Variants in MUC4 observed in about 807,000 individuals in gnomAD.
MUC4 encodes mucin-4.
MUC4 carries 202 observed loss-of-function variants against 257.9 expected under a neutral mutation model. The ratio of observed to expected loss-of-function variants is 0.78; its 90% confidence interval spans 0.70 to 0.88. MUC4 has a LOEUF of 0.88. Ranked by LOEUF, MUC4 falls within the 40% of genes least tolerant of loss-of-function variation. The pLI, the probability that MUC4 is intolerant of heterozygous loss-of-function variation, is 0.00. For synonymous variants in MUC4, 2,351 were observed against 2,757.1 expected (o/e 0.85, Z 4.62); for missense variants, 5,976 against 6,513.7 (o/e 0.92, Z 2.84).
At chr3:195,770,840 G>A in intron 5 of MUC4, 1 of 458,726 alleles carries the variant, frequency 2.2e-6, no homozygotes, top group Non-Finnish European at 4.4e-6. Flanking sequence ...CAGGAGCACA[G>A]GACGGGCCCT....
intron 18 of MUC4, among the ~76,000 whole-genome samples, chr3:195,756,458 G>A (rs556263854): frequency 6.6e-6 from 1 of 152,290 alleles, no homozygotes; most frequent in African/African-American, 2.4e-5. Flanking sequence ...AAGGGGAGGT[G>A]GGAGATAAAA....
intron 1 of MUC4, among the ~76,000 whole-genome samples, chr3:195,804,876 T>C (rs1735780781): frequency 6.6e-6 from 1 of 152,200 alleles, no homozygotes; most frequent in South Asian, 2.1e-4. Flanking sequence ...GAATTCAAGA[T>C]GAGGAAAGAC....
intron 24 of MUC4, among the ~76,000 whole-genome samples, chr3:195,748,525 C>G (rs1367042212): frequency 6.6e-6 from 1 of 152,282 alleles, no homozygotes; most frequent in Non-Finnish European, 1.5e-5. Context: ...GAACGCACCA[C>G]TGCACTCCAG....
rs1465338243 is a variant in MUC4, at chr3:195,755,280, C to T, written c.15169-908G>A. ...TCTCGATCTCGGCTCACTGCAATGT[C>T]CCCCTCCCAAGTTAAAGCAATTCTT... On this transcript the variant is annotated intron_variant, in intron 18 of 24. Coordinates refer to ENST00000463781, the MANE Select transcript of MUC4 (RefSeq NM_018406.7). The surrounding 1 kb of genome is among the most constrained non-coding windows in gnomAD (Gnocchi z 5.0). 6.6e-6 allele frequency among the ~76,000 whole-genome samples: 1 copy of T among 151,834 alleles called. No individual in the cohort carries two copies. Among genetic ancestry groups the T allele is most frequent in the Non-Finnish European group, 1.5e-5 (1 of 67,964 alleles).
chr3:195,772,233 G>A (rs2550243), intron 4 of MUC4, among the ~76,000 whole-genome samples: 27,246 of 144,602 alleles, frequency 0.19, 3,516 homozygotes, highest in African/African-American at 0.38. Context: ...CCCTCCCTCC[G>A]TCGCTCAGGG....
intron 3 of MUC4, among the ~76,000 whole-genome samples, chr3:195,776,294 C>T (rs1199539935): frequency 3.3e-4 from 19 of 57,822 alleles, no homozygotes; most frequent in African/African-American, 1.5e-3. Flanking sequence ...ACCTTCCACA[C>T]CCATACCTTC....
In MUC4 at chr3:195,782,077, G is replaced by T. The variant is rs1367555940; in HGVS notation, c.9503C>A (p.Pro3168His). 14 of 1,422,090 alleles carry T rather than the reference G, an allele frequency of 9.8e-6. No individual in the cohort carries two copies. The allele number at this position is 1,422,090 out of a possible 1,614,324, so 88.1% of individuals were successfully genotyped here. A position where few individuals can be genotyped will look rare whatever the true frequency, so the allele number is the denominator to read the frequency against. The change falls in exon 2 of 25, where the codon CCT becomes CAT. Residue 3168 changes from proline to histidine, a missense_variant. Pro to His is a moderately conservative substitution (Grantham distance 77). Coordinates refer to ENST00000463781, the MANE Select transcript of MUC4 (RefSeq NM_018406.7). Reference protein sequence around the residue: ...TSSASTGQATPLPVTSLSSVS... With the variant: ...TSSASTGQATHLPVTSLSSVS... Reference sequence around the variant, plus strand: ...TGAGGAAAGGCTGGTGACAGGAAGAGGGGTGGCCTGACCTGTGGATGCTGA... The same window carrying T: ...TGAGGAAAGGCTGGTGACAGGAAGATGGGTGGCCTGACCTGTGGATGCTGA...
At chr3:195,793,203 T>A (rs1462515578) in intron 1 of MUC4, among the ~76,000 whole-genome samples, 1 of 151,736 alleles carries the variant, frequency 6.6e-6, no homozygotes, top group Non-Finnish European at 1.5e-5. Flanking sequence ...GATAAAAAAA[T>A]AATAAGAGAT....
chr3:195,778,724 C>A lies in MUC4; in HGVS notation c.12790+66G>T, dbSNP rs561121997. ...GCGAATGCACCAGTGTTCTCAGGTACTCCTTAGGCTGAATTCCGCCAAGGG... is the reference window on the plus strand; with the variant it reads ...GCGAATGCACCAGTGTTCTCAGGTAATCCTTAGGCTGAATTCCGCCAAGGG... On this transcript the variant is annotated intron_variant, in intron 2 of 24. Coordinates refer to ENST00000463781, the MANE Select transcript of MUC4 (RefSeq NM_018406.7). 36 of 1,482,236 alleles carry A rather than the reference C, an allele frequency of 2.4e-5. 1 individual carries two copies. Among genetic ancestry groups the A allele is most frequent in the Non-Finnish European group, 2.9e-5 (32 of 1,094,502 alleles). 91.8% of individuals were successfully genotyped at this position (1,482,236 alleles called of 1,614,324 possible).
chr3:195,761,463 C>G (rs373963949), intron 15 of MUC4, 21 bp downstream of exon 15: 5 of 1,600,044 alleles, frequency 3.1e-6, no homozygotes, highest in Admixed American at 3.3e-5. Context: ...CCCTCTGCCC[C>G]AGGACCCTGC....
intron 4 of MUC4, among the ~76,000 whole-genome samples, chr3:195,773,521 T>G (rs2550248): frequency 0.045 from 4,951 of 110,180 alleles, 34 homozygotes; most frequent in Middle Eastern, 0.082. Context: ...ACACCCTCTC[T>G]CCATCGCTCA....
chr3:195,798,583 A>G (rs1187844814), intron 1 of MUC4, among the ~76,000 whole-genome samples: 1 of 150,278 alleles, frequency 6.7e-6, no homozygotes, highest in Non-Finnish European at 1.5e-5. Flanking sequence ...GGGCGCCTGT[A>G]GTCCCAGCTA....
chr3:195,765,599 C>T (rs1486981720), intron 8 of MUC4, 150 bp from the exon 9 acceptor site: 22 of 754,584 alleles, frequency 2.9e-5, no homozygotes, highest in Non-Finnish European at 2.5e-5. Context: ...ACAATTCCTC[C>T]CCCAAAGCCC....
Position 195,785,996 on chromosome 3 carries a change from C to CGTCGGTGACAGGAAGA in MUC4, c.5568_5583dup (p.Ala1862SerfsTer29), listed in dbSNP as rs1731609805. 1 of 1,489,722 alleles carries CGTCGGTGACAGGAAGA rather than the reference C, an allele frequency of 6.7e-7. No homozygotes were observed. Among genetic ancestry groups the CGTCGGTGACAGGAAGA allele is most frequent in the Non-Finnish European group, 9.0e-7 (1 of 1,111,302 alleles). The allele number at this position is 1,489,722 out of a possible 1,614,324, so 92.3% of individuals were successfully genotyped here. On this transcript the variant is annotated frameshift_variant, in exon 2 of 25. Transcript: ENST00000463781. LOFTEE classifies it high-confidence loss of function. ...GCGTGACCTGTGGACACTGAGGAAG[C>CGTCGGTGACAGGAAGA]GTCGGTGACAGGAAGAGAGGTGGTG... is the stretch of plus-strand genomic sequence containing the variant.
At chr3:195,763,681 CAT>C in intron 11 of MUC4, 40 bp from the exon 12 acceptor site, 1 of 1,453,502 alleles carries the variant, frequency 6.9e-7, no homozygotes, top group South Asian at 1.4e-5. Flanking sequence ...CATGACAAAT[CAT>C]GTGTAGGGCT....
Position 195,748,976 on chromosome 3 carries a change from G to T in MUC4, c.15960C>A (p.Cys5320Ter), listed in dbSNP as rs367672017. 2 of 1,609,476 alleles carry T rather than the reference G, an allele frequency of 1.2e-6. No individual in the cohort carries two copies. Among genetic ancestry groups the T allele is most frequent in the African/African-American group, 1.3e-5 (1 of 74,798 alleles). Residue 5320 changes from cysteine (C) to a stop codon, truncating the protein, a stop_gained, in exon 24 of 25, where the codon TGC (cysteine) becomes TGA (stop). Transcript: ENST00000463781. LOFTEE classifies it high-confidence loss of function. ...AGTAGCCCCTACTGCACGGGGACAC[G>T]CAGGTGAAGCCGCTCTGGGGGCTGT... ...LVYSPQSGFT[C>*]VSPCSRGYCD...
intron 6 of MUC4, 108 bp downstream of exon 6, chr3:195,770,108 C>G: frequency 8.5e-7 from 1 of 1,181,672 alleles, no homozygotes; most frequent in South Asian, 1.8e-5. Flanking sequence ...CTATAATTAG[C>G]AATCTTTCCT....
intron 1 of MUC4, among the ~76,000 whole-genome samples, chr3:195,803,755 C>T (rs1208674586): frequency 2.0e-5 from 3 of 152,204 alleles, no homozygotes; most frequent in East Asian, 1.9e-4. Flanking sequence ...GCCGGGGGCT[C>T]GGGGTAAGAG....
chr3:195,767,656 A>C (rs1466182623), intron 7 of MUC4, among the ~76,000 whole-genome samples: 4 of 85,030 alleles, frequency 4.7e-5, no homozygotes, highest in African/African-American at 2.6e-4. Context: ...CACCACCACC[A>C]CCACCACCAT....
Sources: gnomAD v4.1 joint callset for allele counts (sites outside exome capture counted in the v4.1 genomes callset) on GRCh38, gnomAD v4.1.1 for gene constraint, Gnocchi (gnomAD v3.1) non-coding constraint, MANE v1.5 for transcripts, NCBI Gene and HGNC (gene_info 2026-07-23, HGNC 2026-07-21) for gene names.